Variants in SUGCT observed in about 807,000 individuals in gnomAD.
SUGCT encodes succinyl-CoA:glutarate CoA-transferase.
In SUGCT, 41 loss-of-function variants were observed where a neutral mutation model predicts 55.0. The ratio of observed to expected loss-of-function variants is 0.74; its 90% CI spans 0.58 to 0.97. The LOEUF is 0.97. Among genes scored for constraint, SUGCT ranks in the 50% least tolerant of loss-of-function variants. SUGCT has a pLI of 0.00. For missense variants in SUGCT, 568 were observed against 547.8 expected, an observed-to-expected ratio of 1.04 and a Z score of -0.37; for synonymous variants, 187 against 200.4, an observed-to-expected ratio of 0.93 and a Z score of 0.56.
chr7:40,963,065 G>C, the SUGCT span, among the ~76,000 whole-genome samples: 5 of 152,124 alleles, frequency 3.3e-5, no homozygotes, highest in Admixed American at 3.3e-4. Flanking sequence ...ACATTATTAT[G>C]TTGCCCCAGC....
chr7:40,549,212 C>T (rs1221183831), intron 12 of SUGCT, among the ~76,000 whole-genome samples: 1 of 152,128 alleles, frequency 6.6e-6, no homozygotes. Flanking sequence ...TAAGAGGCTT[C>T]ATTATGTTTC....
the SUGCT span, among the ~76,000 whole-genome samples, chr7:40,938,325 C>G: frequency 4.0e-5 from 6 of 150,416 alleles, no homozygotes; most frequent in South Asian, 2.1e-4. Flanking sequence ...TCGTTACTGC[C>G]TTCTTTTGTG....
intron 13 of SUGCT, among the ~76,000 whole-genome samples, chr7:40,824,208 C>CA (rs35953725): frequency 0.17 from 24,168 of 140,760 alleles, 2,162 homozygotes; most frequent in East Asian, 0.42. Flanking sequence ...ATTCCTTGCT[C>CA]AAAAAAAAAA....
chr7:40,351,650 G>A (rs1393799795), intron 9 of SUGCT, among the ~76,000 whole-genome samples: 1 of 152,088 alleles, frequency 6.6e-6, no homozygotes, highest in African/African-American at 2.4e-5. Context: ...GCTTAATTTT[G>A]TCAATAAAAC....
intron 1 of SUGCT, among the ~76,000 whole-genome samples, chr7:40,179,405 T>C (rs777963103): frequency 3.9e-4 from 59 of 152,122 alleles, no homozygotes; most frequent in Non-Finnish European, 1.5e-4. Flanking sequence ...GCGATTCTCC[T>C]GCCTCAGCCT....
At chr7:40,854,416 TTTCCTTTC>T (rs1794033999) in intron 13 of SUGCT, among the ~76,000 whole-genome samples, 1 of 59,428 alleles carries the variant, frequency 1.7e-5, no homozygotes, top group South Asian at 6.6e-4. Context: ...TCTTTCTTTC[TTTCCTTTC>T]TTTCTTTCTT....
the SUGCT span, among the ~76,000 whole-genome samples, chr7:40,920,852 C>T: frequency 2.6e-5 from 4 of 152,312 alleles, no homozygotes; most frequent in Admixed American, 2.6e-4. Flanking sequence ...GGTTTAAATA[C>T]TTAATACCTT....
At chr7:40,331,402 T>A (rs1445911587) in intron 9 of SUGCT, among the ~76,000 whole-genome samples, 1 of 152,188 alleles carries the variant, frequency 6.6e-6, no homozygotes, top group African/African-American at 2.4e-5. Context: ...AGCTTTGGAG[T>A]CAGACAGACC....
chr7:40,612,701 A>G lies in SUGCT; in HGVS notation c.1089+116315A>G, dbSNP rs547142879. On this transcript the variant is annotated intron_variant, in intron 12 of 13. Transcript: ENST00000335693. ...GCTTGTATCTCACAGGTTAGCTATG[A>G]AGATTAAATGAGAAAAACCTGCAAA... Among the ~76,000 whole-genome samples the G allele has an allele frequency of 3.3e-5, 5 of 152,342 alleles. No individual in the cohort carries two copies. The South Asian group carries it at 1.0e-3, about 32-fold the overall frequency.
intron 13 of SUGCT, among the ~76,000 whole-genome samples, chr7:40,789,168 A>C (rs1243379419): frequency 6.6e-6 from 1 of 152,208 alleles, no homozygotes; most frequent in Non-Finnish European, 1.5e-5. Flanking sequence ...TGTACAATAC[A>C]GTGTTGTTAA....
At chr7:40,149,636 G>A (rs1398225940) in intron 1 of SUGCT, among the ~76,000 whole-genome samples, 1 of 152,052 alleles carries the variant, frequency 6.6e-6, no homozygotes, top group Non-Finnish European at 1.5e-5. Flanking sequence ...TATAAAAATC[G>A]GCCGGGCATG....
chr7:40,380,662 C>T (rs973494962), intron 9 of SUGCT, among the ~76,000 whole-genome samples: 20 of 152,056 alleles, frequency 1.3e-4, no homozygotes, highest in African/African-American at 7.2e-5. Context: ...CAGTTTCTTC[C>T]GTCTCTATAA....
chr7:40,570,850 CTTTTTTTTTTTTTTT>C lies in SUGCT; in HGVS notation c.1089+74477_1089+74491del, dbSNP rs776733346. ...CCCCTCTGGGCAAAAGCTTTAGGCTCTTTTTTTTTTTTTTTTTTTTTTTTTTTCAGTTGGAGCTTT... is the reference window on the plus strand; with the variant it reads ...CCCCTCTGGGCAAAAGCTTTAGGCTCTTTTTTTTTTTTCAGTTGGAGCTTT... On this transcript the variant is annotated intron_variant, in intron 12 of 13. Coordinates refer to ENST00000335693, the MANE Select transcript of SUGCT (RefSeq NM_001193313.2). Among the ~76,000 whole-genome samples, 3 of 52,304 alleles carry C rather than the reference CTTTTTTTTTTTTTTT, an allele frequency of 5.7e-5. No homozygotes were observed. The East Asian group carries it at 1.7e-3, about 29-fold the overall frequency. 34.3% of individuals were successfully genotyped at this position (52,304 alleles called of 152,430 possible).
At chr7:40,926,310 T>C in the SUGCT span, among the ~76,000 whole-genome samples, 2 of 152,058 alleles carry the variant, frequency 1.3e-5, no homozygotes, top group Admixed American at 6.6e-5. Flanking sequence ...AGATTGTCTT[T>C]GTATTGGACT....
At chr7:40,848,868 A>G (rs899304182) in intron 13 of SUGCT, among the ~76,000 whole-genome samples, 1 of 152,124 alleles carries the variant, frequency 6.6e-6, no homozygotes, top group Non-Finnish European at 1.5e-5. Context: ...TTTTTATATC[A>G]CATCTAATGG....
intron 6 of SUGCT, among the ~76,000 whole-genome samples, chr7:40,227,922 G>A (rs2150848012): frequency 6.6e-6 from 1 of 151,196 alleles, no homozygotes; most frequent in East Asian, 1.9e-4. Flanking sequence ...CGCTTTTGTT[G>A]CCCAGGCTGG....
intron 12 of SUGCT, among the ~76,000 whole-genome samples, chr7:40,662,455 T>A (rs1220275098): frequency 6.6e-6 from 1 of 152,270 alleles, no homozygotes; most frequent in African/African-American, 2.4e-5. Flanking sequence ...AAGGTCTACC[T>A]GACCAGACCC....
chr7:41,031,055 G>A, the SUGCT span, among the ~76,000 whole-genome samples: 3 of 152,044 alleles, frequency 2.0e-5, no homozygotes, highest in African/African-American at 7.2e-5. Context: ...TCCGTCTCCC[G>A]GGCTCAAGTG....
the SUGCT span, among the ~76,000 whole-genome samples, chr7:41,038,013 A>C: frequency 6.6e-6 from 1 of 152,290 alleles, no homozygotes; most frequent in African/African-American, 2.4e-5. Flanking sequence ...AATAATACAT[A>C]CACACCCTGC....
Sources: gnomAD v4.1 joint callset for allele counts (sites outside exome capture counted in the v4.1 genomes callset) on GRCh38, gnomAD v4.1.1 for gene constraint, MANE v1.5 for transcripts, NCBI Gene and HGNC (gene_info 2026-07-23, HGNC 2026-07-21) for gene names.